TNFAIP1: variants seen among roughly 807,000 people sequenced by gnomAD.
TNFAIP1 encodes BTB/POZ domain-containing adapter for CUL3-mediated RhoA degradation protein 2.
A neutral mutation model predicts 32.6 loss-of-function variants in TNFAIP1; 20 were observed. The ratio of observed to expected loss-of-function variants is 0.61; its 90% CI spans 0.43 to 0.89. The LOEUF (loss-of-function observed/expected upper bound fraction) is 0.89. Ranked by LOEUF, TNFAIP1 falls within the 40% of genes least tolerant of loss-of-function variation. TNFAIP1 has a pLI of 0.00. For missense variants in TNFAIP1, 319 were observed against 425.1 expected (o/e 0.75, Z 2.20); for synonymous variants, 166 against 166.8 (o/e 1.00, Z 0.04).
chr17:28,342,170 G>A lies in TNFAIP1; in HGVS notation c.519-77G>A. 7.7e-7 allele frequency: 1 copy of A among 1,300,210 alleles called. No homozygotes were observed. The highest frequency in any genetic ancestry group is 2.5e-5 in the East Asian group (1 of 40,676). The allele number at this position is 1,300,210 out of a possible 1,614,324, so 80.5% of individuals were successfully genotyped here. A position where few individuals can be genotyped will look rare whatever the true frequency, so the allele number is the denominator to read the frequency against. On this transcript the variant is annotated intron_variant, in intron 5 of 6. Coordinates refer to ENST00000226225, the MANE Select transcript of TNFAIP1 (RefSeq NM_021137.5). This position sits in a 1 kb window ranked among gnomAD's most constrained non-coding sequence, Gnocchi z 4.0. ...ACAGGATGGGGGAAGGGAGGGAGGG[G>A]AGGGCCCCACTTGTCTAGCACCCTC... is the stretch of plus-strand genomic sequence containing the variant.
intron 1 of TNFAIP1, 82 bp from the exon 2 acceptor site, chr17:28,339,324 ATG>A (rs1186342710): frequency 1.9e-5 from 9 of 463,282 alleles, no homozygotes. Context: ...CAGGGAGAGA[ATG>A]AGTACGGTCG....
chr17:28,340,667 G>A lies in TNFAIP1; in HGVS notation c.375+189G>A, dbSNP rs1355397847. 6.6e-6 allele frequency among the ~76,000 whole-genome samples: 1 copy of A among 152,176 alleles called. No homozygotes were observed. Among genetic ancestry groups the A allele is most frequent in the Non-Finnish European group, 1.5e-5 (1 of 68,030 alleles). ...GCCAGGTGTTCACACTTGGCAGCGT[G>A]AGTAGGCCCTGCTTCTGGTTTCTAT... is the stretch of plus-strand genomic sequence containing the variant. On this transcript the variant is annotated intron_variant, in intron 3 of 6. Coordinates refer to ENST00000226225, the MANE Select transcript of TNFAIP1 (RefSeq NM_021137.5). This position sits in a 1 kb window ranked among gnomAD's most constrained non-coding sequence, Gnocchi z 4.1.
intron 1 of TNFAIP1, chr17:28,336,553 A>T (rs1397018110): frequency 6.6e-6 from 1 of 152,256 alleles, no homozygotes. Context: ...CATTGGCAGA[A>T]CATGTATGTG....
chr17:28,344,686 C>T lies in TNFAIP1; in HGVS notation c.*86C>T, dbSNP rs541350070. 26 of 1,378,356 alleles carry T rather than the reference C, an allele frequency of 1.9e-5. No individual in the cohort carries two copies. The highest frequency in any genetic ancestry group is 2.2e-5 in the Non-Finnish European group (22 of 988,658). The allele number at this position is 1,378,356 out of a possible 1,614,324, so 85.4% of individuals were successfully genotyped here. A position where few individuals can be genotyped will look rare whatever the true frequency, so the allele number is the denominator to read the frequency against. Reference sequence around the variant, plus strand: ...CATTGGCCACCCCATGCTGCTGCTGCCTGGGTCTCTGCTCTAGCACCCAGA... The same window carrying T: ...CATTGGCCACCCCATGCTGCTGCTGTCTGGGTCTCTGCTCTAGCACCCAGA... On this transcript the variant is annotated 3_prime_UTR_variant, in exon 7 of 7. Coordinates refer to ENST00000226225, the MANE Select transcript of TNFAIP1 (RefSeq NM_021137.5).
intron 3 of TNFAIP1, 145 bp from the exon 4 acceptor site, chr17:28,341,092 T>C: frequency 3.6e-6 from 3 of 829,658 alleles, no homozygotes; most frequent in Non-Finnish European, 5.7e-6. Flanking sequence ...GCTGGCAGTT[T>C]CTATTGTCAG....
chr17:28,343,119 A>G (rs184706434), intron 6 of TNFAIP1, among the ~76,000 whole-genome samples: 1 of 152,284 alleles, frequency 6.6e-6, no homozygotes, highest in Non-Finnish European at 1.5e-5. Flanking sequence ...AGGCCAGCCT[A>G]AGCAAAATAG....
rs782509623 is a variant in TNFAIP1 at position 28,340,273 on chromosome 17, G to A, written c.206-36G>A. The A allele has an allele frequency of 1.9e-5, 30 of 1,601,614 alleles. No homozygotes were observed. Among genetic ancestry groups the A allele is most frequent in the South Asian group, 3.3e-5 (3 of 90,336 alleles). ...TTTGCCTGCCTCGGAGGTACCTGGC[G>A]GCAAACTAACCCTGTAGGGCCTTCT... On this transcript the variant is annotated intron_variant, in intron 2 of 6. Coordinates refer to ENST00000226225, the MANE Select transcript of TNFAIP1 (RefSeq NM_021137.5). The surrounding 1 kb of genome is among the most constrained non-coding windows in gnomAD (Gnocchi z 4.1).
At chr17:28,335,892 G>A (rs1907123587) in intron 1 of TNFAIP1, 36 bp downstream of exon 1, 2 of 152,290 alleles carry the variant, frequency 1.3e-5, no homozygotes, top group South Asian at 2.1e-4. Flanking sequence ...TCGGGGAAGG[G>A]ATGGACGGCC....
At position 28,344,784 on chromosome 17, in the gene TNFAIP1, G is replaced by T; in HGVS notation, c.*184G>T. ...GACCACATTCCCCTGCCTTGCCCCT[G>T]AGCACTTCTGGAGACTGCGTCCTGT... On this transcript the variant is annotated 3_prime_UTR_variant, in exon 7 of 7. Transcript: ENST00000226225. The T allele has an allele frequency of 1.6e-6, 1 of 628,748 alleles. No homozygotes were observed. The allele number at this position is 628,748 out of a possible 1,614,324, so 38.9% of individuals were successfully genotyped here.
chr17:28,337,161 A>T (rs1442178225), intron 1 of TNFAIP1, among the ~76,000 whole-genome samples: 1 of 152,048 alleles, frequency 6.6e-6, no homozygotes, highest in Non-Finnish European at 1.5e-5. Flanking sequence ...TCTCTCTTGC[A>T]CCTTTACAAT....
At position 28,339,496 on chromosome 17, in the gene TNFAIP1, G is replaced by A. The variant is rs1447136438; in HGVS notation, c.-26G>A. The A allele has an allele frequency of 1.3e-5, 20 of 1,569,446 alleles. No individual in the cohort carries two copies. Among genetic ancestry groups the A allele is most frequent in the Non-Finnish European group, 1.6e-5 (19 of 1,157,932 alleles). ...GAGCCTTCCAAGCCTACCTCCTGCCGTGTGGTGATCTACCTGCAGCGGGAG... is the reference window on the plus strand; with the variant it reads ...GAGCCTTCCAAGCCTACCTCCTGCCATGTGGTGATCTACCTGCAGCGGGAG... On this transcript the variant is annotated 5_prime_UTR_variant, in exon 2 of 7. It adds an upstream start codon to the 5' untranslated region. Transcript: ENST00000226225.
At position 28,340,732 on chromosome 17, in the gene TNFAIP1, CTT is replaced by C. The variant is rs1376107368; in HGVS notation, c.375+257_375+258del. On this transcript the variant is annotated intron_variant, in intron 3 of 6. Transcript: ENST00000226225. This position sits in a 1 kb window ranked among gnomAD's most constrained non-coding sequence, Gnocchi z 4.1. ...ATTTTAGGGGGTTTTTCTGTTTTTG[CTT>C]TTGTTTCTGTTTTTGTTTTTGTTTT... is the stretch of plus-strand genomic sequence containing the variant. 2.6e-5 allele frequency among the ~76,000 whole-genome samples: 4 copies of C among 151,936 alleles called. No homozygotes were observed. Among genetic ancestry groups the C allele is most frequent in the Non-Finnish European group, 4.4e-5 (3 of 67,962 alleles).
In TNFAIP1 at chr17:28,342,835, C is replaced by T. The variant is rs781973623; in HGVS notation, c.714+393C>T. Among the ~76,000 whole-genome samples, 3 of 152,134 alleles carry T rather than the reference C, an allele frequency of 2.0e-5. No individual in the cohort carries two copies. The highest frequency in any genetic ancestry group is 4.4e-5 in the Non-Finnish European group (3 of 68,028). On this transcript the variant is annotated intron_variant, in intron 6 of 6. Transcript: ENST00000226225. This position sits in a 1 kb window ranked among gnomAD's most constrained non-coding sequence, Gnocchi z 4.0. ...CATGGGGATGATAGTATGAATTTAA[C>T]GAGATATGAAAATGATACAACTCTT...
Position 28,342,779 on chromosome 17 carries a change from C to T in TNFAIP1, c.714+337C>T, listed in dbSNP as rs1555578399. ...TCTGACTTTGGATAAGCCACTTAAG[C>T]CATCTGGGCCTCAGGTTCCTCATTT... On this transcript the variant is annotated intron_variant, in intron 6 of 6. Transcript: ENST00000226225. This position sits in a 1 kb window ranked among gnomAD's most constrained non-coding sequence, Gnocchi z 4.0. Among the ~76,000 whole-genome samples, 1 of 152,212 alleles carries T rather than the reference C, an allele frequency of 6.6e-6. No individual in the cohort carries two copies. Among genetic ancestry groups the T allele is most frequent in the Non-Finnish European group, 1.5e-5 (1 of 68,042 alleles).
chr17:28,339,068 C>CAA (rs527819223), intron 1 of TNFAIP1, among the ~76,000 whole-genome samples: 14 of 98,372 alleles, frequency 1.4e-4, no homozygotes, highest in South Asian at 3.2e-4. Context: ...CTGTCTCTAC[C>CAA]AAAAAAAAAA....
Position 28,346,518 on chromosome 17 carries a change from T to C in TNFAIP1, c.*1918T>C, listed in dbSNP as rs577087805. 2.0e-5 allele frequency: 3 copies of C among 152,374 alleles called. No individual in the cohort carries two copies. The South Asian group carries it at 6.2e-4, about 32-fold the overall frequency. 9.4% of individuals were successfully genotyped at this position (152,374 alleles called of 1,614,324 possible). On this transcript the variant is annotated 3_prime_UTR_variant, in exon 7 of 7. Transcript: ENST00000226225. ...ACTACTTTGACATTCACATCCTCAG[T>C]GTCTCAGTCTTTTTTGCCGAGAAAG...
chr17:28,338,084 G>C (rs1449332969), intron 1 of TNFAIP1, among the ~76,000 whole-genome samples: 4 of 152,162 alleles, frequency 2.6e-5, no homozygotes, highest in Admixed American at 2.6e-4. Context: ...GTTCCCTACT[G>C]CTTAACATAG....
chr17:28,341,300 G>C lies in TNFAIP1; in HGVS notation c.439G>C (p.Glu147Gln). The change falls in exon 4 of 7, where the codon GAG becomes CAG. Residue 147 changes from glutamate (E) to glutamine (Q), a missense_variant. Physicochemically the swap from Glu to Gln is conservative, Grantham distance 29. Transcript: ENST00000226225. ...IPIITSLKEEERLIESSTKPV... is the reference protein window; with the variant it reads ...IPIITSLKEEQRLIESSTKPV... ...CATCATCACATCCCTAAAGGAGGAG[G>C]AGCGGCTCATCGAATCCTCCACCAA... The C allele has an allele frequency of 1.2e-6, 2 of 1,614,220 alleles. No individual in the cohort carries two copies. Among genetic ancestry groups the C allele is most frequent in the South Asian group, 1.1e-5 (1 of 91,084 alleles).
At chr17:28,343,259 A>G (rs1244921134) in intron 6 of TNFAIP1, among the ~76,000 whole-genome samples, 1 of 152,192 alleles carries the variant, frequency 6.6e-6, no homozygotes, top group African/African-American at 2.4e-5. Context: ...GGTGACAGTC[A>G]TCACAAACTC....
Sources: allele counts gnomAD v4.1 joint callset (sites outside exome capture counted in the v4.1 genomes callset), GRCh38; gene constraint gnomAD v4.1.1; non-coding constraint Gnocchi (gnomAD v3.1); transcripts MANE v1.5; gene names NCBI Gene and HGNC (gene_info 2026-07-23, HGNC 2026-07-21).